Variants in SSX2IP observed in about 807,000 individuals in gnomAD.
SSX2IP encodes afadin- and alpha-actinin-binding protein.
Under a neutral mutation model 84.9 loss-of-function variants are expected in SSX2IP, and 55 were observed. That is an observed-to-expected ratio of 0.65 (90% CI 0.52 to 0.81). SSX2IP has a LOEUF of 0.81. Ranked by LOEUF, SSX2IP falls within the 30% of genes least tolerant of loss-of-function variation. The probability of loss-of-function intolerance (pLI) is 0.00; values close to 1 mark genes in which losing one functional copy is unlikely to be tolerated. For synonymous variants in SSX2IP, 239 were observed against 234.7 expected, an observed-to-expected ratio of 1.02 and a Z score of -0.17; for missense variants, 664 against 705.2, an observed-to-expected ratio of 0.94 and a Z score of 0.66.
At chr1:84,651,760 A>T in intron 12 of SSX2IP, 123 bp downstream of exon 12, 2 of 616,954 alleles carry the variant, frequency 3.2e-6, no homozygotes, top group Non-Finnish European at 5.4e-6. Flanking sequence ...ACTTTTAGTT[A>T]TAATTAGAGA....
Position 84,644,770 on chromosome 1 carries a change from A to G in SSX2IP, c.*2663T>C, listed in dbSNP as rs537199035. The G allele has an allele frequency of 3.9e-4, 59 of 152,342 alleles. No individual in the cohort carries two copies. Among genetic ancestry groups the G allele is most frequent in the African/African-American group, 1.3e-3 (56 of 41,590 alleles). The allele number at this position is 152,342 out of a possible 1,614,324, so 9.4% of individuals were successfully genotyped here. A position where few individuals can be genotyped will look rare whatever the true frequency, so the allele number is the denominator to read the frequency against. On this transcript the variant is annotated 3_prime_UTR_variant, in exon 14 of 14. Coordinates refer to ENST00000342203, the MANE Select transcript of SSX2IP (RefSeq NM_001166293.2). ...AACACCATATTATCACAAGTCTATG[A>G]ACAATTCTGGTTAGCTAAGGTAGGC...
chr1:84,658,476 C>A lies in SSX2IP; in HGVS notation c.928-8G>T. The A allele has an allele frequency of 6.2e-7, 1 of 1,612,496 alleles. No homozygotes were observed. Among genetic ancestry groups the A allele is most frequent in the Non-Finnish European group, 8.5e-7 (1 of 1,179,114 alleles). ...TTCAACATCGGAAATAACCTACAAGCGGAGAGAGATGAAGAGGAAAGGCTA... is the reference window on the plus strand; with the variant it reads ...TTCAACATCGGAAATAACCTACAAGAGGAGAGAGATGAAGAGGAAAGGCTA... On this transcript the variant is annotated splice_polypyrimidine_tract_variant and splice_region_variant and intron_variant, in intron 8 of 13. Coordinates refer to ENST00000342203, the MANE Select transcript of SSX2IP (RefSeq NM_001166293.2).
Position 84,676,719 on chromosome 1 carries a change from C to CTTTTTTT in SSX2IP, c.-89-5418_-89-5412dup, listed in dbSNP as rs61017474. 5.0e-3 allele frequency among the ~76,000 whole-genome samples: 496 copies of CTTTTTTT among 99,456 alleles called. 21 individuals are homozygous for CTTTTTTT. Among genetic ancestry groups the CTTTTTTT allele is most frequent in the East Asian group, 0.017 (51 of 2,918 alleles). The allele number at this position is 99,456 out of a possible 152,430, so 65.2% of individuals were successfully genotyped here. A position where few individuals can be genotyped will look rare whatever the true frequency, so the allele number is the denominator to read the frequency against. On this transcript the variant is annotated intron_variant, in intron 1 of 13. Coordinates refer to ENST00000342203, the MANE Select transcript of SSX2IP (RefSeq NM_001166293.2). ...GATTTCAAGACTCTGTGCTCTTTTC[C>CTTTTTTT]TTTTTTTTTTTTTTTTTTTTTGAAA...
intron 5 of SSX2IP, 82 bp from the exon 6 acceptor site, chr1:84,664,634 A>T: frequency 8.1e-7 from 1 of 1,237,188 alleles, no homozygotes. Flanking sequence ...ATCTCCCCAT[A>T]TAGGTTTTAA....
intron 2 of SSX2IP, 137 bp downstream of exon 2, chr1:84,671,040 A>G (rs1011858370): frequency 1.8e-6 from 2 of 1,123,508 alleles, no homozygotes; most frequent in African/African-American, 3.2e-5. Context: ...CTCAGTAGAC[A>G]TGAAAATAAG....
rs1435346474 is a variant in SSX2IP at position 84,656,456 on chromosome 1, A to G, written c.1107T>C (p.Asn369=). The change falls in exon 10 of 14, where the codon AAT becomes AAC. Residue 369 remains asparagine (N), a synonymous_variant. Coordinates refer to ENST00000342203, the MANE Select transcript of SSX2IP (RefSeq NM_001166293.2). ...CTTGTCGTGAGATTACATCTTCATC[A>G]TTAAAACCTTCCAGGTGTACCTTTG... ...QVSKVHLEGF[N]DEDVISRQDH... 1.2e-6 allele frequency: 2 copies of G among 1,613,068 alleles called. No individual in the cohort carries two copies. Among genetic ancestry groups the G allele is most frequent in the Non-Finnish European group, 1.7e-6 (2 of 1,179,514 alleles).
intron 1 of SSX2IP, among the ~76,000 whole-genome samples, chr1:84,681,739 T>C (rs1278236480): frequency 6.6e-6 from 1 of 152,194 alleles, no homozygotes; most frequent in Non-Finnish European, 1.5e-5. Flanking sequence ...AATCTCGACT[T>C]AGACAAATCC....
rs1384863398 is a variant in SSX2IP, at chr1:84,646,848, TA to T, written c.*584del. ...AATACATCTGTAAACAGAATACCAC[TA>T]AAAAAATTTTACTGGCATGAAATAC... On this transcript the variant is annotated 3_prime_UTR_variant, in exon 14 of 14. Coordinates refer to ENST00000342203, the MANE Select transcript of SSX2IP (RefSeq NM_001166293.2). 1 of 152,496 alleles carries T rather than the reference TA, an allele frequency of 6.6e-6. No individual in the cohort carries two copies. 9.4% of individuals were successfully genotyped at this position (152,496 alleles called of 1,614,324 possible). A position where few individuals can be genotyped will look rare whatever the true frequency, so the allele number is the denominator to read the frequency against.
chr1:84,685,837 A>G (rs1211147288), intron 1 of SSX2IP, among the ~76,000 whole-genome samples: 1 of 151,746 alleles, frequency 6.6e-6, no homozygotes, highest in Non-Finnish European at 1.5e-5. Flanking sequence ...ATTTGGCTAT[A>G]GAATAGAAAA....
At chr1:84,680,036 A>G (rs1191789436) in intron 1 of SSX2IP, among the ~76,000 whole-genome samples, 1 of 152,154 alleles carries the variant, frequency 6.6e-6, no homozygotes, top group East Asian at 1.9e-4. Flanking sequence ...ACCAGAAAAA[A>G]CAGAACTCAA....
chr1:84,682,808 C>T (rs1655262696), intron 1 of SSX2IP, among the ~76,000 whole-genome samples: 1 of 152,124 alleles, frequency 6.6e-6, no homozygotes, highest in African/African-American at 2.4e-5. Context: ...GCCTTTTCTT[C>T]ACATTTTTAT....
chr1:84,649,888 G>C (rs780213262), intron 13 of SSX2IP: 1 of 521,072 alleles, frequency 1.9e-6, no homozygotes, highest in Non-Finnish European at 3.8e-6. Flanking sequence ...TTTTTACACT[G>C]TCATCCTTGG....
chr1:84,661,413 T>G (rs1651959375), intron 8 of SSX2IP, among the ~76,000 whole-genome samples: 1 of 130,538 alleles, frequency 7.7e-6, no homozygotes, highest in South Asian at 2.2e-4. Flanking sequence ...TTTCTCCATG[T>G]TTTTTTTTTT....
chr1:84,667,055 A>C (rs2911567), intron 4 of SSX2IP, among the ~76,000 whole-genome samples: 135,570 of 151,732 alleles, frequency 0.89, 60,840 homozygotes, highest in Non-Finnish European at 0.94. Context: ...GTTTTTGGCA[A>C]CCTTTTTTTT....
At chr1:84,663,812 T>C (rs894662751) in intron 6 of SSX2IP, among the ~76,000 whole-genome samples, 5 of 152,244 alleles carry the variant, frequency 3.3e-5, no homozygotes, top group Admixed American at 1.3e-4. Context: ...CAAAACTGTA[T>C]TGTAAAGCTC....
intron 1 of SSX2IP, among the ~76,000 whole-genome samples, chr1:84,676,994 C>T (rs757723572): frequency 3.0e-4 from 46 of 151,972 alleles, no homozygotes; most frequent in Middle Eastern, 3.4e-3. Context: ...GGATTATAGG[C>T]GTGAGCCACC....
chr1:84,671,544 C>T (rs1653580437), intron 1 of SSX2IP, among the ~76,000 whole-genome samples: 1 of 152,066 alleles, frequency 6.6e-6, no homozygotes, highest in Non-Finnish European at 1.5e-5. Flanking sequence ...ACTTTATATA[C>T]AAGATACATG....
At position 84,666,224 on chromosome 1, in the gene SSX2IP, C is replaced by T; in HGVS notation, c.435G>A (p.Leu145=). The T allele has an allele frequency of 6.2e-7, 1 of 1,608,992 alleles. No individual in the cohort carries two copies. The highest frequency in any genetic ancestry group is 2.2e-5 in the East Asian group (1 of 44,770). ...QSCYSKLKEQ[L]ETSRREMIGL... ...CAATCATTTCCCTCCTGGAGGTTTC[C>T]AGTTGTTCCTAAAACATTTATAAGC... The change falls in exon 5 of 14, where the codon CTG becomes CTA. Residue 145 remains leucine (L), a synonymous_variant. Transcript: ENST00000342203.
chr1:84,661,067 T>TAA (rs11362632), intron 8 of SSX2IP, among the ~76,000 whole-genome samples: 16 of 107,454 alleles, frequency 1.5e-4, no homozygotes, highest in South Asian at 9.6e-4. Context: ...CTCCGTCTCT[T>TAA]AAAAAAAAAA....
Sources: allele counts gnomAD v4.1 joint callset (sites outside exome capture counted in the v4.1 genomes callset), GRCh38; gene constraint gnomAD v4.1.1; transcripts MANE v1.5; gene names NCBI Gene and HGNC (gene_info 2026-07-23, HGNC 2026-07-21).